The following LTBP2 variants were observed in gnomAD, a reference collection of about 807,000 sequenced individuals.
LTBP2 encodes the protein latent transforming growth factor beta binding protein 2.
Under a neutral mutation model 210.6 loss-of-function variants are expected in LTBP2, and 103 were observed. The ratio of observed to expected loss-of-function variants is 0.49; its 90% confidence interval spans 0.42 to 0.58. LTBP2 has a LOEUF of 0.58. LTBP2 is among the 20% of genes least tolerant of loss of function. The pLI is 0.00. For synonymous variants in LTBP2, 1,007 were observed against 1,015.0 expected (o/e 0.99, Z 0.15); for missense variants, 2,313 against 2,494.5 (o/e 0.93, Z 1.55).
chr14:74,556,598 C>A (rs1182189571), intron 3 of LTBP2, among the ~76,000 whole-genome samples: 1 of 152,240 alleles, frequency 6.6e-6, no homozygotes, highest in Non-Finnish European at 1.5e-5. Context: ...CTCACTGCGG[C>A]CTCTGCCTCC....
At chr14:74,539,901 G>C (rs1429517829) in intron 8 of LTBP2, among the ~76,000 whole-genome samples, 1 of 152,228 alleles carries the variant, frequency 6.6e-6, no homozygotes, top group Non-Finnish European at 1.5e-5. Flanking sequence ...CTGGATACAT[G>C]TATGTGCTTT....
At position 74,503,914 on chromosome 14, in the gene LTBP2, G is replaced by A; in HGVS notation, c.4582+12C>T. ...GGCCTGGGGTGGGGGCAGGGATCAT[G>A]TGTGTCCTTACCCTCACACTTCTTG... is the stretch of plus-strand genomic sequence containing the variant. On this transcript the variant is annotated intron_variant, in intron 31 of 35. Transcript: ENST00000261978. 1 of 1,613,990 alleles carries A rather than the reference G, an allele frequency of 6.2e-7. No individual in the cohort carries two copies. Among genetic ancestry groups the A allele is most frequent in the Non-Finnish European group, 8.5e-7 (1 of 1,179,996 alleles).
intron 4 of LTBP2, among the ~76,000 whole-genome samples, chr14:74,554,183 C>T (rs971365577): frequency 6.6e-6 from 1 of 152,162 alleles, no homozygotes; most frequent in South Asian, 2.1e-4. Flanking sequence ...CTGATACACA[C>T]AGCAACATGG....
chr14:74,532,380 C>T, intron 10 of LTBP2, 46 bp downstream of exon 10: 1 of 1,610,786 alleles, frequency 6.2e-7, no homozygotes, highest in Non-Finnish European at 8.5e-7. Flanking sequence ...AGTGTCCCAT[C>T]TTGTCTCCCA....
In LTBP2 at chr14:74,509,325, C is replaced by A; in HGVS notation, c.3316G>T (p.Gly1106Ter). ...ECAFPGVCPS[G>*]VCTNTAGSFS... ...GAGCCAGCCGTGTTGGTGCAGACTC[C>A]GGAGGGGCAGACTCCCGGGAAGGCA... Residue 1106 changes from glycine to a stop codon, truncating the protein, a stop_gained, in exon 22 of 36, where the codon GGA becomes TGA. Coordinates refer to ENST00000261978, the MANE Select transcript of LTBP2 (RefSeq NM_000428.3). LOFTEE classifies it high-confidence loss of function. The A allele has an allele frequency of 6.2e-7, 1 of 1,613,506 alleles. No homozygotes were observed. The highest frequency in any genetic ancestry group is 8.5e-7 in the Non-Finnish European group (1 of 1,179,928).
chr14:74,502,507 G>A, intron 34 of LTBP2, 146 bp downstream of exon 34: 1 of 1,079,306 alleles, frequency 9.3e-7, no homozygotes. Flanking sequence ...CTTGTCTCAA[G>A]CGAGCCGTGA....
intron 13 of LTBP2, among the ~76,000 whole-genome samples, chr14:74,526,799 T>C (rs2087278945): frequency 1.3e-5 from 2 of 152,156 alleles, no homozygotes; most frequent in Non-Finnish European, 2.9e-5. Context: ...GATCCCCTCT[T>C]CTGGAATGTT....
chr14:74,509,883 T>C, intron 20 of LTBP2, 24 bp from the exon 21 acceptor site: 1 of 1,613,898 alleles, frequency 6.2e-7, no homozygotes. Flanking sequence ...TTGCATTCTG[T>C]GTGGGACTCT....
At chr14:74,526,322 T>C (rs910769656) in intron 13 of LTBP2, among the ~76,000 whole-genome samples, 3 of 152,234 alleles carry the variant, frequency 2.0e-5, no homozygotes, top group African/African-American at 7.2e-5. Flanking sequence ...TTCTCAACTA[T>C]CTTATGATGG....
chr14:74,595,975 T>TG (rs1272720844), intron 2 of LTBP2, among the ~76,000 whole-genome samples: 1 of 152,020 alleles, frequency 6.6e-6, no homozygotes, highest in East Asian at 1.9e-4. Flanking sequence ...GGCGGGTGGA[T>TG]CACCTGAGGT....
In LTBP2 at chr14:74,551,363, G is replaced by C. The variant is rs2087654436; in HGVS notation, c.1400-13C>G. On this transcript the variant is annotated splice_polypyrimidine_tract_variant and intron_variant, in intron 6 of 35. Transcript: ENST00000261978. ...GGGTTCACGGAGGCTGGGCACAGGG[G>C]CTAGAGTCAGAGCCAGGGAAGCAGG... 6.5e-7 allele frequency: 1 copy of C among 1,549,396 alleles called. No homozygotes were observed. The highest frequency in any genetic ancestry group is 1.9e-5 in the Admixed American group (1 of 53,910).
chr14:74,564,321 ATATATATATT>A (rs2087866880), intron 3 of LTBP2, among the ~76,000 whole-genome samples: 1 of 11,454 alleles, frequency 8.7e-5, no homozygotes, highest in Non-Finnish European at 1.4e-4. Flanking sequence ...ATATATATTT[ATATATATATT>A]TATATATATA....
chr14:74,534,048 AAGGGGCACTACTCCTTGGT>A (rs2087387093), intron 9 of LTBP2, among the ~76,000 whole-genome samples: 1 of 152,200 alleles, frequency 6.6e-6, no homozygotes, highest in African/African-American at 2.4e-5. Flanking sequence ...CCTGAGCACC[AAGGGGCACTACTCCTTGGT>A]AGGATGCCCC....
intron 3 of LTBP2, among the ~76,000 whole-genome samples, chr14:74,569,193 A>AGGGAGGGC (rs2087942203): frequency 3.0e-5 from 1 of 33,348 alleles, no homozygotes; most frequent in Non-Finnish European, 6.8e-5. Flanking sequence ...GGAGGGAGGG[A>AGGGAGGGC]GGGAGGGAGG....
At chr14:74,609,984 A>C (rs988028560) in intron 1 of LTBP2, among the ~76,000 whole-genome samples, 9 of 152,218 alleles carry the variant, frequency 5.9e-5, no homozygotes, top group African/African-American at 2.2e-4. Flanking sequence ...CCTATGTGTA[A>C]GCGACTTGGC....
chr14:74,564,349 ATATATT>A (rs2087871074), intron 3 of LTBP2, among the ~76,000 whole-genome samples: 1 of 16,898 alleles, frequency 5.9e-5, no homozygotes, highest in Non-Finnish European at 1.4e-4. Context: ...ATATATTTAT[ATATATT>A]TATATATATA....
In LTBP2 at chr14:74,586,756, C is replaced by A. The variant is rs1234966726; in HGVS notation, c.566-638G>T. On this transcript the variant is annotated intron_variant, in intron 2 of 35. Coordinates refer to ENST00000261978, the MANE Select transcript of LTBP2 (RefSeq NM_000428.3). This position sits in a 1 kb window ranked among gnomAD's most constrained non-coding sequence, Gnocchi z 4.6. The stretch of plus-strand genomic sequence containing the variant: ...CTTCAGCTTGACGGTCTCTCCTCTC[C>A]TTCCCATTGTTCTCCATCTCCCACC... Among the ~76,000 whole-genome samples the A allele has an allele frequency of 2.0e-5, 3 of 152,184 alleles. No individual in the cohort carries two copies. The highest frequency in any genetic ancestry group is 4.4e-5 in the Non-Finnish European group (3 of 68,028).
At chr14:74,582,791 C>T (rs541464099) in intron 3 of LTBP2, among the ~76,000 whole-genome samples, 2 of 152,332 alleles carry the variant, frequency 1.3e-5, no homozygotes, top group African/African-American at 4.8e-5. Flanking sequence ...CTAGACCTGC[C>T]GAATCAGAAC....
intron 3 of LTBP2, among the ~76,000 whole-genome samples, chr14:74,570,251 G>C (rs970167218): frequency 2.3e-4 from 35 of 152,208 alleles, no homozygotes; most frequent in African/African-American, 7.5e-4. Flanking sequence ...TGAGTTCCCA[G>C]CTCATGGCCT....
Sources: allele counts gnomAD v4.1 joint callset (sites outside exome capture counted in the v4.1 genomes callset), GRCh38; gene constraint gnomAD v4.1.1; non-coding constraint Gnocchi (gnomAD v3.1); transcripts MANE v1.5; gene names NCBI Gene and HGNC (gene_info 2026-07-23, HGNC 2026-07-21).